The following RSPO1 variants were observed in gnomAD, a reference collection of about 807,000 sequenced individuals.
RSPO1 encodes the protein R-spondin 1.
Under a neutral mutation model 26.0 loss-of-function variants are expected in RSPO1, and 18 were observed. The ratio of observed to expected loss-of-function variants is 0.69; its 90% CI spans 0.48 to 1.03. The LOEUF is 1.03. Ranked by LOEUF, RSPO1 falls within the 50% of genes least tolerant of loss-of-function variation. The probability of loss-of-function intolerance (pLI) is 0.00; values close to 1 mark genes in which losing one functional copy is unlikely to be tolerated. For synonymous variants in RSPO1, 133 were observed against 137.4 expected (o/e 0.97, Z 0.22); for missense variants, 309 against 352.3 (o/e 0.88, Z 0.98).
At chr1:37,625,691 T>G (rs1644265119) in intron 3 of RSPO1, among the ~76,000 whole-genome samples, 2 of 151,782 alleles carry the variant, frequency 1.3e-5, no homozygotes, top group Non-Finnish European at 2.9e-5. Flanking sequence ...TTTTTTTTTT[T>G]TTTTGGAAAC....
At chr1:37,621,634 G>A (rs766735245) in intron 3 of RSPO1, among the ~76,000 whole-genome samples, 1 of 152,124 alleles carries the variant, frequency 6.6e-6, no homozygotes, top group Admixed American at 6.5e-5. Flanking sequence ...ATGACGAGTA[G>A]CTAAGTATTA....
rs767359547 is a variant in RSPO1, at chr1:37,614,213, G to A, written c.407C>T (p.Ala136Val). 2.5e-6 allele frequency: 4 copies of A among 1,613,300 alleles called. No individual in the cohort carries two copies. Among genetic ancestry groups the A allele is most frequent in the Non-Finnish European group, 3.4e-6 (4 of 1,180,014 alleles). The change falls in exon 5 of 7, where the codon GCC (alanine) becomes GTC (valine). Residue 136 changes from alanine (A) to valine (V), a missense_variant. Physicochemically the swap from Ala to Val is moderately conservative, Grantham distance 64. Transcript: ENST00000356545. The stretch of plus-strand genomic sequence containing the variant: ...ACTACTGCACTCCATGGTGCCATTG[G>A]CAGCTGAGGAGCCCTCGGGACAAGC... Reference protein sequence around the residue: ...YPACPEGSSAANGTMECSSPA... With the variant: ...YPACPEGSSAVNGTMECSSPA...
intron 3 of RSPO1, among the ~76,000 whole-genome samples, chr1:37,619,813 T>A (rs1254969273): frequency 6.6e-6 from 1 of 151,832 alleles, no homozygotes; most frequent in Admixed American, 6.6e-5. Flanking sequence ...AGTGGCACAA[T>A]CTCGGCTCAC....
intron 3 of RSPO1, among the ~76,000 whole-genome samples, chr1:37,617,661 CAAAAAAAAAAAA>C (rs34856591): frequency 1.5e-3 from 54 of 36,376 alleles, no homozygotes; most frequent in African/African-American, 5.7e-3. Flanking sequence ...GACTCCATCT[CAAAAAAAAAAAA>C]AAAAAAAAAA....
Position 37,612,751 on chromosome 1 carries a change from G to C in RSPO1, c.*4C>G, listed in dbSNP as rs1557427934. 4 of 1,609,564 alleles carry C rather than the reference G, an allele frequency of 2.5e-6. No individual in the cohort carries two copies. The East Asian group carries it at 8.9e-5, about 36-fold the overall frequency. On this transcript the variant is annotated 3_prime_UTR_variant, in exon 7 of 7. Coordinates refer to ENST00000356545, the MANE Select transcript of RSPO1 (RefSeq NM_001242908.2). ...TGCATGGGCCTGGAGGCTGGACAGT[G>C]TCCCTAGGCAGGCCCTGCAGATGTG...
intron 3 of RSPO1, among the ~76,000 whole-genome samples, chr1:37,623,236 G>T (rs4307530): frequency 9.0e-5 from 13 of 144,580 alleles, no homozygotes; most frequent in Admixed American, 2.8e-4. Context: ...GGGATGGGGG[G>T]AGAGGAGAGG....
At chr1:37,629,997 C>T in intron 2 of RSPO1, 48 bp from the exon 3 acceptor site, 1 of 847,276 alleles carries the variant, frequency 1.2e-6, no homozygotes, top group Non-Finnish European at 2.0e-6. Flanking sequence ...ACCATGAACA[C>T]TCCCACTTAT....
In RSPO1 at chr1:37,622,464, T is replaced by C. The variant is rs575984466; in HGVS notation, c.95-5789A>G. The stretch of plus-strand genomic sequence containing the variant: ...ATTTCGAGGCTGCAGTGAGCTAAGA[T>C]TGAGCCACTGCACTCCAGCCTGGAT... On this transcript the variant is annotated intron_variant, in intron 3 of 6. Transcript: ENST00000356545. Among the ~76,000 whole-genome samples, 23 of 152,260 alleles carry C rather than the reference T, an allele frequency of 1.5e-4. 1 individual carries two copies. The South Asian group carries it at 2.3e-3, about 15-fold the overall frequency.
intron 1 of RSPO1, among the ~76,000 whole-genome samples, chr1:37,633,504 A>G (rs1023348553): frequency 6.6e-6 from 1 of 152,224 alleles, no homozygotes; most frequent in Admixed American, 6.5e-5. Context: ...CTTGCCTGCA[A>G]TACCGTCAGA....
At chr1:37,621,777 CTTTTTTCTT>C (rs895977486) in intron 3 of RSPO1, among the ~76,000 whole-genome samples, 6 of 149,308 alleles carry the variant, frequency 4.0e-5, no homozygotes, top group Admixed American at 1.3e-4. Context: ...TTTCTTTTTT[CTTTTTTCTT>C]TTTTTTCTTT....
chr1:37,627,767 C>T (rs1056699336), intron 3 of RSPO1, among the ~76,000 whole-genome samples: 2 of 152,226 alleles, frequency 1.3e-5, no homozygotes, highest in East Asian at 1.9e-4. Context: ...TTCCTGATTG[C>T]GATGACTATG....
At chr1:37,623,717 G>GA (rs373677656) in intron 3 of RSPO1, among the ~76,000 whole-genome samples, 4,686 of 139,472 alleles carry the variant, frequency 0.034, 80 homozygotes, top group Middle Eastern at 0.048. Context: ...ACCTCAAAAG[G>GA]AAAAAAAAAA....
intron 4 of RSPO1, 56 bp downstream of exon 4, chr1:37,616,428 C>T (rs936217077): frequency 6.5e-7 from 1 of 1,545,540 alleles, no homozygotes; most frequent in African/African-American, 1.4e-5. Context: ...AAAGCACTCT[C>T]CCCCAGTCCA....
intron 3 of RSPO1, among the ~76,000 whole-genome samples, chr1:37,617,661 CAAAAAAAAAAAAAA>C (rs34856591): frequency 8.2e-5 from 3 of 36,376 alleles, no homozygotes; most frequent in East Asian, 9.7e-4. Context: ...GACTCCATCT[CAAAAAAAAAAAAAA>C]AAAAAAAAAA....
rs34856591 is a variant in RSPO1 at position 37,617,661 on chromosome 1, CAAAAAAAA to C, written c.95-994_95-987del. Among the ~76,000 whole-genome samples the C allele has an allele frequency of 6.6e-4, 24 of 36,374 alleles. 1 individual carries two copies. The highest frequency in any genetic ancestry group is 3.4e-3 in the South Asian group (2 of 580). 23.9% of individuals were successfully genotyped at this position (36,374 alleles called of 152,430 possible). A position where few individuals can be genotyped will look rare whatever the true frequency, so the allele number is the denominator to read the frequency against. ...CGGATGACAGAGCAAGACTCCATCT[CAAAAAAAA>C]AAAAAAAAAAAAAAAAAAAAGAGAG... On this transcript the variant is annotated intron_variant, in intron 3 of 6. Transcript: ENST00000356545.
In RSPO1 at chr1:37,630,755, C is replaced by T. The variant is rs540899902; in HGVS notation, c.-288-806G>A. Reference sequence around the variant, plus strand: ...GAGTGAGAATGAAAACCCTGCTTCCCCGTCACGGGATCACACACATGCTCT... The same window carrying T: ...GAGTGAGAATGAAAACCCTGCTTCCTCGTCACGGGATCACACACATGCTCT... On this transcript the variant is annotated intron_variant, in intron 2 of 6. Transcript: ENST00000356545. 3.2e-4 allele frequency among the ~76,000 whole-genome samples: 49 copies of T among 152,294 alleles called. No homozygotes were observed. In the Middle Eastern group the frequency reaches 0.01, roughly 32 times the overall value.
At chr1:37,627,961 C>T (rs942622517) in intron 3 of RSPO1, among the ~76,000 whole-genome samples, 1 of 152,170 alleles carries the variant, frequency 6.6e-6, no homozygotes, top group African/African-American at 2.4e-5. Context: ...ATATGAAAAG[C>T]GAGCAAGCAC....
Position 37,612,505 on chromosome 1 carries a change from T to TGG in RSPO1, c.*249_*250insCC. 1 of 574,238 alleles carries TGG rather than the reference T, an allele frequency of 1.7e-6. No homozygotes were observed. The highest frequency in any genetic ancestry group is 3.1e-6 in the Non-Finnish European group (1 of 318,474). The allele number at this position is 574,238 out of a possible 1,614,324, so 35.6% of individuals were successfully genotyped here. ...GTGTCTTCTGGTGGCCTCAGGTGTG[T>TGG]GTGTGTGTGTGTGTGTATGTGTGTG... On this transcript the variant is annotated 3_prime_UTR_variant, in exon 7 of 7. Transcript: ENST00000356545.
rs887563423 is a variant in RSPO1 at position 37,634,128 on chromosome 1, C to T, written c.-356+438G>A. On this transcript the variant is annotated intron_variant, in intron 1 of 6. Coordinates refer to ENST00000356545, the MANE Select transcript of RSPO1 (RefSeq NM_001242908.2). This position sits in a 1 kb window ranked among gnomAD's most constrained non-coding sequence, Gnocchi z 4.7. ...CACCGGGGGCCGCAGCGCATGCCGCCTGCCACGTCGAACCCAGGCCCAGGC... is the reference window on the plus strand; with the variant it reads ...CACCGGGGGCCGCAGCGCATGCCGCTTGCCACGTCGAACCCAGGCCCAGGC... Among the ~76,000 whole-genome samples, 2 of 152,180 alleles carry T rather than the reference C, an allele frequency of 1.3e-5. No individual in the cohort carries two copies. The highest frequency in any genetic ancestry group is 2.9e-5 in the Non-Finnish European group (2 of 68,036).
Sources: allele counts gnomAD v4.1 joint callset (sites outside exome capture counted in the v4.1 genomes callset), GRCh38; gene constraint gnomAD v4.1.1; non-coding constraint Gnocchi (gnomAD v3.1); transcripts MANE v1.5; gene names NCBI Gene and HGNC (gene_info 2026-07-23, HGNC 2026-07-21).